TGM5: variants seen among roughly 807,000 people sequenced by gnomAD.
TGM5 encodes the protein transglutaminase 5.
TGM5 carries 69 observed loss-of-function variants against 77.2 expected under a neutral mutation model. That is an observed-to-expected ratio of 0.89 (90% CI 0.74 to 1.09). The LOEUF is 1.09. TGM5 is among the 50% of genes least tolerant of loss of function. The pLI, the probability that TGM5 is intolerant of heterozygous loss-of-function variation, is 0.00. For synonymous variants in TGM5, 346 were observed against 351.8 expected (o/e 0.98, Z 0.18); for missense variants, 842 against 896.5 (o/e 0.94, Z 0.78).
At chr15:43,236,208 G>A (rs1186120817) in intron 9 of TGM5, among the ~76,000 whole-genome samples, 10 of 152,090 alleles carry the variant, frequency 6.6e-5, no homozygotes, top group African/African-American at 2.2e-4. Flanking sequence ...GCCTGTGACC[G>A]CTCAACTCTA....
chr15:43,261,091 T>TG lies in TGM5; in HGVS notation c.11-513_11-512insC, dbSNP rs1342520029. Among the ~76,000 whole-genome samples the TG allele has an allele frequency of 7.2e-3, 771 of 106,766 alleles. 23 individuals are homozygous for TG. The highest frequency in any genetic ancestry group is 0.027 in the African/African-American group (664 of 24,654). The allele number at this position is 106,766 out of a possible 152,430, so 70.0% of individuals were successfully genotyped here. On this transcript the variant is annotated intron_variant, in intron 1 of 12. Coordinates refer to ENST00000220420, the MANE Select transcript of TGM5 (RefSeq NM_201631.4). ...TTGTGTGTGTGTTTTTTTTTTTTTT[T>TG]TTTTTTTTTTTTTTTTGAGACAGAG...
At position 43,233,327 on chromosome 15, in the gene TGM5, G is replaced by C; in HGVS notation, c.2027C>G (p.Pro676Arg). ...CAGAATGATGCTTGCTTGGTGTTGG[G>C]GTTTGAGGACTCCAAGGCTGCAACA... ...QQKVFLGVLK[P>R]QHQASIILET... The change falls in exon 13 of 13, where the codon CCC becomes CGC. Residue 676 changes from proline (P) to arginine (R), a missense_variant. Around this residue, in one of 2 missense-constraint regions of TGM5, gnomAD observed 815 missense variants for 844.6 expected, o/e 0.96. Transcript: ENST00000220420. The C allele has an allele frequency of 6.2e-7, 1 of 1,613,798 alleles. No homozygotes were observed. The highest frequency in any genetic ancestry group is 8.5e-7 in the Non-Finnish European group (1 of 1,180,020).
intron 1 of TGM5, among the ~76,000 whole-genome samples, chr15:43,262,896 G>GA (rs932376996): frequency 2.0e-5 from 3 of 151,586 alleles, no homozygotes; most frequent in African/African-American, 7.3e-5. Context: ...TAGGCAAAAA[G>GA]AAAAAAAATC....
At chr15:43,240,724 G>T in intron 7 of TGM5, 128 bp downstream of exon 7, 1 of 1,192,362 alleles carries the variant, frequency 8.4e-7, no homozygotes, top group Non-Finnish European at 1.2e-6. Flanking sequence ...GGGTGGGGGA[G>T]GGTGAGGGGG....
intron 1 of TGM5, among the ~76,000 whole-genome samples, chr15:43,263,037 A>C (rs1161054497): frequency 1.3e-5 from 2 of 152,254 alleles, no homozygotes. Flanking sequence ...TGCAGGACAC[A>C]ATATCAATAT....
Position 43,238,166 on chromosome 15 carries a change from G to A in TGM5, c.1345+651C>T, listed in dbSNP as rs544660661. ...CACCGCCCTTCAGCCACCCTGCCTT[G>A]CACCTGCTCAGATCCTCCCCAGCCA... On this transcript the variant is annotated intron_variant, in intron 9 of 12. Transcript: ENST00000220420. 1.4e-4 allele frequency among the ~76,000 whole-genome samples: 22 copies of A among 152,250 alleles called. No individual in the cohort carries two copies. In the East Asian group the frequency reaches 4.1e-3, roughly 28 times the overall value.
At chr15:43,254,078 C>G (rs2042726837) in intron 4 of TGM5, among the ~76,000 whole-genome samples, 1 of 152,232 alleles carries the variant, frequency 6.6e-6, no homozygotes, top group African/African-American at 2.4e-5. Flanking sequence ...CCTGCCATGG[C>G]ACCTGTGATT....
intron 6 of TGM5, among the ~76,000 whole-genome samples, chr15:43,246,217 T>A (rs566914119): frequency 6.6e-6 from 1 of 152,138 alleles, no homozygotes; most frequent in Non-Finnish European, 1.5e-5. Context: ...TTCAAAAAAG[T>A]CACATATTGA....
chr15:43,261,060 CTTTTTTTGTGTGTGTGTTTTTTTTTTT>C lies in TGM5; in HGVS notation c.11-508_11-482del, dbSNP rs1399979701. Among the ~76,000 whole-genome samples, 422 of 90,586 alleles carry C rather than the reference CTTTTTTTGTGTGTGTGTTTTTTTTTTT, an allele frequency of 4.7e-3. 38 individuals carry two copies. In the East Asian group the frequency reaches 0.079, roughly 17 times the overall value. The allele number at this position is 90,586 out of a possible 152,430, so 59.4% of individuals were successfully genotyped here. A position where few individuals can be genotyped will look rare whatever the true frequency, so the allele number is the denominator to read the frequency against. ...TAACTCCTTGGGCTAGCTGCTCTTC[CTTTTTTTGTGTGTGTGTTTTTTTTTTT>C]TTTTTTTTTTTTTTTTTTTTGAGAC... On this transcript the variant is annotated intron_variant, in intron 1 of 12. Transcript: ENST00000220420.
intron 3 of TGM5, among the ~76,000 whole-genome samples, chr15:43,257,911 A>C (rs551370331): frequency 6.6e-6 from 1 of 152,320 alleles, no homozygotes; most frequent in East Asian, 1.9e-4. Flanking sequence ...AAAAATGATG[A>C]GTTCATGTCC....
At chr15:43,240,279 G>A (rs972862058) in intron 7 of TGM5, among the ~76,000 whole-genome samples, 1 of 152,162 alleles carries the variant, frequency 6.6e-6, no homozygotes, top group Admixed American at 6.5e-5. Flanking sequence ...CAAGCAGAAT[G>A]TAGACAAACA....
chr15:43,253,381 G>A lies in TGM5; in HGVS notation c.684+125C>T, dbSNP rs181087020. The A allele has an allele frequency of 2.1e-5, 29 of 1,360,470 alleles. No individual in the cohort carries two copies. The East Asian group carries it at 2.4e-4, about 11-fold the overall frequency. 84.3% of individuals were successfully genotyped at this position (1,360,470 alleles called of 1,614,324 possible). On this transcript the variant is annotated intron_variant, in intron 5 of 12. Coordinates refer to ENST00000220420, the MANE Select transcript of TGM5 (RefSeq NM_201631.4). ...GAAAACTTGTCACCCACATTCTGGC[G>A]TCAGTCTCATCCAAGATGGCTTTGC...
Position 43,256,585 on chromosome 15 carries a change from G to A in TGM5, c.538C>T (p.Pro180Ser). 1.9e-6 allele frequency: 3 copies of A among 1,614,022 alleles called. No homozygotes were observed. Among genetic ancestry groups the A allele is most frequent in the Middle Eastern group, 1.6e-4 (1 of 6,062 alleles). ...QGSKNWIRPC[P>S]WNYGQFEDKI... ...AGACTCACCTGTCCATAGTTCCAGG[G>A]ACATGGGCGGATCCAGTTCTTGCTG... The change falls in exon 4 of 13, where the codon CCC (proline) becomes TCC (serine). Residue 180 changes from proline (P) to serine (S), a missense_variant. By Grantham distance (74) the Pro-to-Ser change is moderately conservative. Around this residue, in one of 2 missense-constraint regions of TGM5, gnomAD observed 815 missense variants for 844.6 expected, o/e 0.96. Transcript: ENST00000220420.
chr15:43,241,111 G>A, intron 6 of TGM5, 121 bp from the exon 7 acceptor site: 19 of 1,312,768 alleles, frequency 1.4e-5, no homozygotes, highest in Non-Finnish European at 1.8e-5. Flanking sequence ...ACATGCTGGA[G>A]CTGTCTGGAA....
chr15:43,234,252 C>T (rs1199147267), intron 11 of TGM5, among the ~76,000 whole-genome samples: 2 of 152,174 alleles, frequency 1.3e-5, no homozygotes, highest in African/African-American at 2.4e-5. Context: ...GGGGAGACAG[C>T]ACGGGAAGGA....
chr15:43,266,095 G>T (rs1360358318), intron 1 of TGM5, among the ~76,000 whole-genome samples: 1 of 152,198 alleles, frequency 6.6e-6, no homozygotes, highest in African/African-American at 2.4e-5. Context: ...GGGATGGCGG[G>T]CAGAGGACTA....
chr15:43,263,170 C>G (rs1053662624), intron 1 of TGM5, among the ~76,000 whole-genome samples: 2 of 152,000 alleles, frequency 1.3e-5, no homozygotes, highest in African/African-American at 4.8e-5. Context: ...AAGTGCAAAG[C>G]CTATATCACA....
In TGM5 at chr15:43,260,432, C is replaced by T; in HGVS notation, c.158G>A (p.Gly53Asp). ...LYFRNRSFQP[G>D]LDNIIFVVET... ...AACCACGAAGATGATGTTGTCCAGG[C>T]CTGGCTGGAAGCTCCGGTTCCTGAA... The change falls in exon 2 of 13, where the codon GGC (glycine) becomes GAC (aspartate). Residue 53 changes from glycine (G) to aspartate (D), a missense_variant. Physicochemically the swap from Gly to Asp is moderately conservative, Grantham distance 94. This residue lies in a region of TGM5 where 815 missense variants were observed against 844.6 expected (regional missense o/e 0.96). Transcript: ENST00000220420. 1.2e-6 allele frequency: 2 copies of T among 1,614,196 alleles called. No homozygotes were observed. Among genetic ancestry groups the T allele is most frequent in the Non-Finnish European group, 1.7e-6 (2 of 1,180,042 alleles).
chr15:43,233,157 T>C lies in TGM5; in HGVS notation c.*34A>G, dbSNP rs1236311847. The C allele has an allele frequency of 4.3e-6, 7 of 1,613,240 alleles. No homozygotes were observed. Among genetic ancestry groups the C allele is most frequent in the Admixed American group, 1.7e-5 (1 of 59,982 alleles). ...TGAACTTGCTCCTTTTCCTGAAGCT[T>C]GAAATTCACACGTCTGGCGCGTTGT... is the stretch of plus-strand genomic sequence containing the variant. On this transcript the variant is annotated 3_prime_UTR_variant, in exon 13 of 13. Coordinates refer to ENST00000220420, the MANE Select transcript of TGM5 (RefSeq NM_201631.4).
Sources: allele counts gnomAD v4.1 joint callset (sites outside exome capture counted in the v4.1 genomes callset), GRCh38; gene constraint gnomAD v4.1.1; regional missense constraint gnomAD v4.1.1; transcripts MANE v1.5; gene names NCBI Gene and HGNC (gene_info 2026-07-23, HGNC 2026-07-21).